The following ZBTB8A variants were observed in gnomAD, a reference collection of about 807,000 sequenced individuals.
The protein encoded by ZBTB8A is zinc finger and BTB domain containing 8A.
A neutral mutation model predicts 37.8 loss-of-function variants in ZBTB8A; 19 were observed. That is an observed-to-expected ratio of 0.50 (90% CI 0.35 to 0.74). ZBTB8A has a LOEUF of 0.74. Ranked by LOEUF, ZBTB8A falls within the 30% of genes least tolerant of loss-of-function variation. The pLI is 0.01. For synonymous variants in ZBTB8A, 181 were observed against 185.2 expected, an observed-to-expected ratio of 0.98 and a Z score of 0.19; for missense variants, 394 against 537.8, an observed-to-expected ratio of 0.73 and a Z score of 2.65.
At chr1:32,587,244 A>G (rs1281418764) in intron 2 of ZBTB8A, among the ~76,000 whole-genome samples, 1 of 152,074 alleles carries the variant, frequency 6.6e-6, no homozygotes, top group Non-Finnish European at 1.5e-5. Context: ...CATCTCAGAT[A>G]AATAGCCTCT....
chr1:32,572,240 C>G (rs1213130835), intron 2 of ZBTB8A, among the ~76,000 whole-genome samples: 2 of 151,956 alleles, frequency 1.3e-5, no homozygotes, highest in African/African-American at 4.8e-5. Context: ...TTATGTCTTT[C>G]TTAAATGTTT....
At chr1:32,585,147 C>G (rs1024935417) in intron 2 of ZBTB8A, among the ~76,000 whole-genome samples, 1 of 149,976 alleles carries the variant, frequency 6.7e-6, no homozygotes, top group Non-Finnish European at 1.5e-5. Context: ...CCTCCTACCT[C>G]GGCCTCCCAA....
chr1:32,560,612 T>A (rs1327146109), intron 2 of ZBTB8A, among the ~76,000 whole-genome samples: 2 of 147,566 alleles, frequency 1.4e-5, no homozygotes, highest in Admixed American at 1.4e-4. Flanking sequence ...TTTTCTTTTC[T>A]TTCTTTTTTT....
intron 4 of ZBTB8A, among the ~76,000 whole-genome samples, chr1:32,597,795 G>A (rs1340320569): frequency 6.6e-6 from 1 of 152,208 alleles, no homozygotes; most frequent in Admixed American, 6.6e-5. Flanking sequence ...TGTCATCCAG[G>A]CTGGAGTGCA....
At chr1:32,564,718 TA>T (rs918140535) in intron 2 of ZBTB8A, among the ~76,000 whole-genome samples, 58 of 146,046 alleles carry the variant, frequency 4.0e-4, no homozygotes, top group Admixed American at 6.2e-4. Context: ...TTAGAGTATC[TA>T]AAAAAAAAAA....
At chr1:32,540,671 A>C (rs533421815) in intron 1 of ZBTB8A, among the ~76,000 whole-genome samples, 34 of 152,158 alleles carry the variant, frequency 2.2e-4, no homozygotes, top group Admixed American at 6.5e-4. Flanking sequence ...ACCTTAACTG[A>C]TCTTTTTCAG....
At chr1:32,589,124 T>C (rs1644469711) in intron 2 of ZBTB8A, among the ~76,000 whole-genome samples, 1 of 151,796 alleles carries the variant, frequency 6.6e-6, no homozygotes, top group South Asian at 2.1e-4. Context: ...GTAAAGGGAG[T>C]TGAAAAGAAA....
chr1:32,556,616 G>A (rs903772509), intron 2 of ZBTB8A, among the ~76,000 whole-genome samples: 2 of 151,976 alleles, frequency 1.3e-5, no homozygotes, highest in East Asian at 1.9e-4. Context: ...AGTGGCTCAC[G>A]CCTGTAATCC....
chr1:32,568,063 AC>A (rs1644297267), intron 2 of ZBTB8A, among the ~76,000 whole-genome samples: 1 of 151,358 alleles, frequency 6.6e-6, no homozygotes, highest in African/African-American at 2.4e-5. Flanking sequence ...ACTTGATCGA[AC>A]CTGGGAGCTG....
chr1:32,552,347 A>G (rs1263505088), intron 1 of ZBTB8A, among the ~76,000 whole-genome samples: 1 of 151,792 alleles, frequency 6.6e-6, no homozygotes, highest in Non-Finnish European at 1.5e-5. Flanking sequence ...CTGAGTGACA[A>G]AGTGAGACTG....
chr1:32,582,775 A>G (rs1557713401), intron 2 of ZBTB8A, among the ~76,000 whole-genome samples: 2 of 152,204 alleles, frequency 1.3e-5, no homozygotes, highest in African/African-American at 4.8e-5. Flanking sequence ...CTGTTAGCAC[A>G]GTATCCCGGG....
intron 2 of ZBTB8A, among the ~76,000 whole-genome samples, chr1:32,567,817 A>C (rs1420155860): frequency 1.6e-4 from 6 of 37,598 alleles, no homozygotes; most frequent in Non-Finnish European, 2.8e-4. Flanking sequence ...AAAAAAAAAA[A>C]AAAAAACAAA....
chr1:32,552,480 AC>A (rs1381935328), intron 1 of ZBTB8A, among the ~76,000 whole-genome samples: 1 of 152,114 alleles, frequency 6.6e-6, no homozygotes, highest in Non-Finnish European at 1.5e-5. Flanking sequence ...TCTGGCCAAC[AC>A]GGAAAAACTC....
At chr1:32,547,828 CAAAAAAAAAAAAA>C (rs1194254576) in intron 1 of ZBTB8A, among the ~76,000 whole-genome samples, 4 of 30,480 alleles carry the variant, frequency 1.3e-4, no homozygotes, top group Admixed American at 1.3e-3. Flanking sequence ...ACAAACAAAG[CAAAAAAAAAAAAA>C]AAAAAAAAAA....
At chr1:32,566,938 T>C (rs941626896) in intron 2 of ZBTB8A, among the ~76,000 whole-genome samples, 1 of 152,232 alleles carries the variant, frequency 6.6e-6, no homozygotes, top group African/African-American at 2.4e-5. Flanking sequence ...GTAAAGACTT[T>C]GGATTTCTTT....
chr1:32,597,575 G>A (rs1557719245), intron 4 of ZBTB8A, among the ~76,000 whole-genome samples: 1 of 152,168 alleles, frequency 6.6e-6, no homozygotes, highest in Non-Finnish European at 1.5e-5. Context: ...TTCCTTTAGT[G>A]GAAAGTGAAA....
chr1:32,593,807 A>G (rs540815767), intron 3 of ZBTB8A, 53 bp downstream of exon 3: 3 of 1,395,554 alleles, frequency 2.1e-6, no homozygotes, highest in Non-Finnish European at 3.0e-6. Flanking sequence ...TGCTATATTA[A>G]TCAGTCTACT....
At chr1:32,548,012 A>G (rs2148214149) in intron 1 of ZBTB8A, among the ~76,000 whole-genome samples, 1 of 151,192 alleles carries the variant, frequency 6.6e-6, no homozygotes, top group Non-Finnish European at 1.5e-5. Flanking sequence ...CGGCACCTGT[A>G]ATCCCAGCTA....
At chr1:32,548,059 G>A (rs1644120654) in intron 1 of ZBTB8A, among the ~76,000 whole-genome samples, 1 of 149,334 alleles carries the variant, frequency 6.7e-6, no homozygotes, top group Non-Finnish European at 1.5e-5. Flanking sequence ...CTTGAACCCG[G>A]GAGGTAGAGG....
Sources: allele counts gnomAD v4.1 joint callset (sites outside exome capture counted in the v4.1 genomes callset), GRCh38; gene constraint gnomAD v4.1.1; transcripts MANE v1.5; gene names NCBI Gene and HGNC (gene_info 2026-07-23, HGNC 2026-07-21).